The following AKAP12 variants were observed in gnomAD, a reference collection of about 807,000 sequenced individuals.
AKAP12 encodes A-kinase anchor protein 12.
Under a neutral mutation model 79.9 loss-of-function variants are expected in AKAP12, and 32 were observed. The observed-to-expected ratio is 0.40, with a 90% CI of 0.30 to 0.54. The LOEUF is 0.54. Ranked by LOEUF, AKAP12 falls within the 20% of genes least tolerant of loss-of-function variation. AKAP12 has a pLI of 0.48. For synonymous variants in AKAP12, 808 were observed against 857.0 expected (o/e 0.94, Z 1.00); for missense variants, 2,074 against 2,177.0 (o/e 0.95, Z 0.94).
intron 3 of AKAP12, chr6:151,324,282 G>T: frequency 1.0e-6 from 1 of 985,402 alleles, no homozygotes; most frequent in Non-Finnish European, 1.2e-6. Context: ...CGCCAGGCCG[G>T]GTATTTGCCA....
chr6:151,250,002 C>T lies in AKAP12; in HGVS notation c.162+9278C>T, dbSNP rs150025588. On this transcript the variant is annotated intron_variant, in intron 2 of 4. Coordinates refer to ENST00000402676, the MANE Select transcript of AKAP12 (RefSeq NM_005100.4). ...GCTCATGCCTATAATCCCAGCACTT[C>T]GGGAGGTGAGGGTGGGAGGATCACT... Among the ~76,000 whole-genome samples the T allele has an allele frequency of 7.8e-4, 118 of 152,132 alleles. 1 individual carries two copies. In the East Asian group the frequency reaches 0.017, roughly 22 times the overall value.
intron 2 of AKAP12, among the ~76,000 whole-genome samples, chr6:151,266,253 A>G (rs1329816432): frequency 2.0e-5 from 3 of 152,044 alleles, no homozygotes; most frequent in Non-Finnish European, 2.9e-5. Context: ...TGGATCACAT[A>G]TTTTTCTCTT....
At position 151,352,693 on chromosome 6, in the gene AKAP12, T is replaced by G. The variant is rs769108320; in HGVS notation, c.4302T>G (p.Thr1434=). The change falls in exon 4 of 5, where the codon ACT becomes ACG. Residue 1434 remains threonine, a synonymous_variant. Transcript: ENST00000402676. ...AAEEEKVLGE[T]ANILETGETL... is the part of the protein sequence containing the mutation. The stretch of plus-strand genomic sequence containing the variant: ...AGGAGGAAAAGGTCTTAGGAGAAAC[T>G]GCCAACATTTTAGAAACAGGTGAAA... The G allele has an allele frequency of 1.2e-6, 2 of 1,614,070 alleles. No homozygotes were observed. The highest frequency in any genetic ancestry group is 4.5e-5 in the East Asian group (2 of 44,890).
At chr6:151,329,176 G>A (rs375370490) in intron 3 of AKAP12, among the ~76,000 whole-genome samples, 29 of 151,948 alleles carry the variant, frequency 1.9e-4, no homozygotes, top group African/African-American at 5.6e-4. Flanking sequence ...GTGCAGTGGC[G>A]CGATCTCAGC....
chr6:151,266,965 C>T lies in AKAP12; in HGVS notation c.162+26241C>T, dbSNP rs867917097. On this transcript the variant is annotated intron_variant, in intron 2 of 4. Coordinates refer to ENST00000402676, the MANE Select transcript of AKAP12 (RefSeq NM_005100.4). ...CCGGGAGGTGGAGCCTGCCGTGAGCCGAGATCGCGCCACTGCACCAGCCTG... is the reference window on the plus strand; with the variant it reads ...CCGGGAGGTGGAGCCTGCCGTGAGCTGAGATCGCGCCACTGCACCAGCCTG... Among the ~76,000 whole-genome samples, 14 of 136,200 alleles carry T rather than the reference C, an allele frequency of 1.0e-4. No homozygotes were observed. The East Asian group carries it at 1.8e-3, about 18-fold the overall frequency. 89.4% of individuals were successfully genotyped at this position (136,200 alleles called of 152,430 possible).
chr6:151,343,680 A>G (rs1440255746), intron 3 of AKAP12, among the ~76,000 whole-genome samples: 1 of 152,276 alleles, frequency 6.6e-6, no homozygotes, highest in South Asian at 2.1e-4. Context: ...GCTACTTGGG[A>G]AGCTGAGGCA....
chr6:151,358,391 A>G lies in AKAP12; in HGVS notation c.*2677A>G, dbSNP rs555970726. ...TCCAATATTTTCCTTTGATGTTTGG[A>G]ACTACAGATAGTCAAGGGCTGGAAA... On this transcript the variant is annotated 3_prime_UTR_variant, in exon 5 of 5. Coordinates refer to ENST00000402676, the MANE Select transcript of AKAP12 (RefSeq NM_005100.4). The G allele has an allele frequency of 2.6e-5, 4 of 152,330 alleles. No individual in the cohort carries two copies. Among genetic ancestry groups the G allele is most frequent in the Admixed American group, 6.5e-5 (1 of 15,296 alleles). The allele number at this position is 152,330 out of a possible 1,614,324, so 9.4% of individuals were successfully genotyped here.
intron 2 of AKAP12, among the ~76,000 whole-genome samples, chr6:151,273,644 AAG>A (rs2114714686): frequency 6.6e-6 from 1 of 152,338 alleles, no homozygotes; most frequent in East Asian, 1.9e-4. Context: ...AACTTAAGGA[AAG>A]AGACCTCCAG....
In AKAP12 at chr6:151,259,509, T is replaced by TACACACACAC. The variant is rs1292268852; in HGVS notation, c.162+18786_162+18787insCACACACACA. Reference sequence around the variant, plus strand: ...ACACACACATATACATGTATATATATATACACACACACACACACACACACA... The same window carrying TACACACACAC: ...ACACACACATATACATGTATATATATACACACACACATACACACACACACACACACACACA... On this transcript the variant is annotated intron_variant, in intron 2 of 4. Transcript: ENST00000402676. Among the ~76,000 whole-genome samples the TACACACACAC allele has an allele frequency of 8.4e-4, 77 of 92,078 alleles. 2 individuals carry two copies. The highest frequency in any genetic ancestry group is 2.9e-3 in the African/African-American group (74 of 25,182). 60.4% of individuals were successfully genotyped at this position (92,078 alleles called of 152,430 possible).
intron 3 of AKAP12, among the ~76,000 whole-genome samples, chr6:151,317,687 T>C (rs1777266980): frequency 6.6e-6 from 1 of 152,196 alleles, no homozygotes; most frequent in South Asian, 2.1e-4. Flanking sequence ...TGACTGCTGG[T>C]ATAAGGGAAT....
At chr6:151,353,900 T>A in intron 4 of AKAP12, 148 bp downstream of exon 4, 1 of 608,272 alleles carries the variant, frequency 1.6e-6, no homozygotes, top group Non-Finnish European at 2.9e-6. Context: ...TTCAAAGATC[T>A]AGGATAGTTT....
chr6:151,290,793 A>G (rs1276069519), intron 2 of AKAP12, among the ~76,000 whole-genome samples: 1 of 152,148 alleles, frequency 6.6e-6, no homozygotes, highest in African/African-American at 2.4e-5. Context: ...TATTTTTAGT[A>G]GAGACGGGGT....
intron 2 of AKAP12, among the ~76,000 whole-genome samples, chr6:151,254,584 A>G (rs1018115789): frequency 7.2e-5 from 11 of 151,958 alleles, no homozygotes; most frequent in African/African-American, 2.4e-4. Flanking sequence ...CTCTTGATCC[A>G]CCCACCTCGG....
intron 2 of AKAP12, among the ~76,000 whole-genome samples, chr6:151,267,973 A>G (rs1776084009): frequency 6.6e-6 from 1 of 152,132 alleles, no homozygotes; most frequent in Non-Finnish European, 1.5e-5. Flanking sequence ...TGCCCTCTTC[A>G]GTTGCCCTGA....
At chr6:151,346,528 C>A (rs994874075) in intron 3 of AKAP12, among the ~76,000 whole-genome samples, 2 of 152,114 alleles carry the variant, frequency 1.3e-5, no homozygotes, top group African/African-American at 4.8e-5. Flanking sequence ...GATTAGATAC[C>A]ATTAAACCTT....
chr6:151,265,661 A>G (rs940225254), intron 2 of AKAP12, among the ~76,000 whole-genome samples: 2 of 152,260 alleles, frequency 1.3e-5, no homozygotes, highest in Non-Finnish European at 2.9e-5. Context: ...TCAATATTTT[A>G]AAAGTCAAGA....
intron 2 of AKAP12, among the ~76,000 whole-genome samples, chr6:151,281,331 C>T (rs555237760): frequency 6.6e-6 from 1 of 152,308 alleles, no homozygotes; most frequent in African/African-American, 2.4e-5. Flanking sequence ...GGTAGTGTTA[C>T]TTTGACAGGT....
intron 2 of AKAP12, among the ~76,000 whole-genome samples, chr6:151,302,214 G>A (rs1284565570): frequency 6.6e-6 from 1 of 152,048 alleles, no homozygotes; most frequent in African/African-American, 2.4e-5. Context: ...GTTTCACCAT[G>A]TTAGCCAGGA....
Position 151,271,099 on chromosome 6 carries a change from C to T in AKAP12, c.162+30375C>T, listed in dbSNP as rs1226406088. On this transcript the variant is annotated intron_variant, in intron 2 of 4. Transcript: ENST00000402676. ...TGCTGGTGGTTGGTTAAGTATGTTT[C>T]CCACCAAATATGCCGAAGCAGTTTC... is the stretch of plus-strand genomic sequence containing the variant. Among the ~76,000 whole-genome samples, 4 of 152,180 alleles carry T rather than the reference C, an allele frequency of 2.6e-5. No individual in the cohort carries two copies. In the East Asian group the frequency reaches 7.7e-4, roughly 29 times the overall value.
Sources: gnomAD v4.1 joint callset for allele counts (sites outside exome capture counted in the v4.1 genomes callset) on GRCh38, gnomAD v4.1.1 for gene constraint, MANE v1.5 for transcripts, NCBI Gene and HGNC (gene_info 2026-07-23, HGNC 2026-07-21) for gene names.